Variants in LARGE1 observed in about 807,000 individuals in gnomAD.
LARGE1 encodes the protein xylosyl- and glucuronyltransferase LARGE1.
LARGE1 carries 43 observed loss-of-function variants against 87.6 expected under a neutral mutation model. The observed-to-expected ratio is 0.49, with a 90% confidence interval of 0.38 to 0.63. The LOEUF is 0.63. Ranked by LOEUF, LARGE1 falls within the 30% of genes least tolerant of loss-of-function variation. LARGE1 has a pLI of 0.00. For synonymous variants in LARGE1, 434 were observed against 394.6 expected (o/e 1.10, Z -1.18); for missense variants, 802 against 1,000.2 (o/e 0.80, Z 2.67).
chr22:33,564,909 G>T lies in LARGE1; in HGVS notation c.726C>A (p.Asp242Glu). Residue 242 changes from aspartate (D) to glutamate (E), a missense_variant, in exon 6 of 15, where the codon GAC becomes GAA. This residue lies in a region of LARGE1 where 625 missense variants were observed against 841.9 expected (regional missense o/e 0.74). Transcript: ENST00000397394. ...TGTCAGTGGCAAAGGTGATATCCGTGTCAAGGACGATGACTCTCTCCAGGT... is the reference window on the plus strand; with the variant it reads ...TGTCAGTGGCAAAGGTGATATCCGTTTCAAGGACGATGACTCTCTCCAGGT... ...PANLERVIVL[D>E]TDITFATDIA... 6.2e-7 allele frequency: 1 copy of T among 1,614,194 alleles called. No homozygotes were observed. The highest frequency in any genetic ancestry group is 2.2e-5 in the East Asian group (1 of 44,874).
At chr22:33,087,815 A>T in the LARGE1 span, among the ~76,000 whole-genome samples, 1 of 152,202 alleles carries the variant, frequency 6.6e-6, no homozygotes, top group Non-Finnish European at 1.5e-5. Context: ...CATGCCTGTA[A>T]TCCCAGCTAC....
chr22:33,259,970 T>C (rs1434923766), intron 11 of LARGE1, among the ~76,000 whole-genome samples: 1 of 152,204 alleles, frequency 6.6e-6, no homozygotes, highest in Admixed American at 6.5e-5. Context: ...ACCAAGCCCA[T>C]GCTTATAACC....
intron 11 of LARGE1, among the ~76,000 whole-genome samples, chr22:33,208,127 C>T (rs1924775451): frequency 6.6e-6 from 1 of 152,104 alleles, no homozygotes; most frequent in Non-Finnish European, 1.5e-5. Context: ...CACTAGCTTC[C>T]AGTATCACCA....
At chr22:33,742,956 G>A (rs1330372588) in intron 2 of LARGE1, among the ~76,000 whole-genome samples, 1 of 152,018 alleles carries the variant, frequency 6.6e-6, no homozygotes, top group African/African-American at 2.4e-5. Context: ...CCTGGTGGGA[G>A]GGTCTTGGAT....
chr22:33,660,591 T>C (rs1221622811), intron 2 of LARGE1, among the ~76,000 whole-genome samples: 1 of 152,212 alleles, frequency 6.6e-6, no homozygotes. Context: ...TCTCCAATGG[T>C]TGAGTCTGAG....
chr22:33,469,912 C>T (rs1168255670), intron 6 of LARGE1, among the ~76,000 whole-genome samples: 5 of 131,552 alleles, frequency 3.8e-5, no homozygotes, highest in African/African-American at 8.6e-5. Flanking sequence ...TTTTCTGACA[C>T]GGAGTCTCGC....
chr22:33,678,459 G>A (rs943542420), intron 2 of LARGE1, among the ~76,000 whole-genome samples: 2 of 152,186 alleles, frequency 1.3e-5, no homozygotes, highest in African/African-American at 4.8e-5. Flanking sequence ...TTTGGGGGAG[G>A]AGGGGTGACT....
the LARGE1 span, among the ~76,000 whole-genome samples, chr22:33,111,699 T>G: frequency 6.6e-6 from 1 of 152,240 alleles, no homozygotes; most frequent in African/African-American, 2.4e-5. Flanking sequence ...CACCTCTGCC[T>G]CTTGCTAGAA....
rs146644218 is a variant in LARGE1, at chr22:33,450,712, C to T, written c.788-18447G>A. Among the ~76,000 whole-genome samples the T allele has an allele frequency of 9.6e-3, 1,462 of 152,234 alleles. 20 individuals carry two copies. The highest frequency in any genetic ancestry group is 0.024 in the South Asian group (115 of 4,818). Reference sequence around the variant, plus strand: ...TACTCATTTAGTCCAATCTTTTCATCGTATAACTGATGAAACTGACTTGCT... The same window carrying T: ...TACTCATTTAGTCCAATCTTTTCATTGTATAACTGATGAAACTGACTTGCT... On this transcript the variant is annotated intron_variant, in intron 6 of 14. Coordinates refer to ENST00000397394, the MANE Select transcript of LARGE1 (RefSeq NM_133642.5).
At chr22:33,099,748 G>A in the LARGE1 span, among the ~76,000 whole-genome samples, 1 of 151,164 alleles carries the variant, frequency 6.6e-6, no homozygotes, top group Non-Finnish European at 1.5e-5. Context: ...GTAAGCATAG[G>A]AAAATGCACA....
At chr22:33,597,596 T>C (rs1183932328) in intron 5 of LARGE1, among the ~76,000 whole-genome samples, 2 of 152,172 alleles carry the variant, frequency 1.3e-5, no homozygotes, top group Non-Finnish European at 2.9e-5. Flanking sequence ...ACCATCAATA[T>C]TTTCTGCAGC....
chr22:33,880,595 G>A (rs757091175), intron 1 of LARGE1, among the ~76,000 whole-genome samples: 16 of 152,120 alleles, frequency 1.1e-4, no homozygotes, highest in Non-Finnish European at 1.8e-4. Flanking sequence ...TAACAGCTAC[G>A]TTCTGGTCAT....
intron 6 of LARGE1, among the ~76,000 whole-genome samples, chr22:33,537,851 G>T (rs1477351986): frequency 1.3e-5 from 2 of 152,160 alleles, no homozygotes; most frequent in Non-Finnish European, 2.9e-5. Flanking sequence ...GATTACGGGC[G>T]TGAGCCACCA....
At chr22:33,316,332 CCT>C (rs1206585113) in intron 10 of LARGE1, 84 bp from the exon 11 acceptor site, 7 of 1,392,412 alleles carry the variant, frequency 5.0e-6, no homozygotes, top group Middle Eastern at 2.4e-4. Flanking sequence ...CCTGCCCTCC[CCT>C]GAGTTTATTA....
At chr22:33,402,302 A>G (rs1206962684) in intron 7 of LARGE1, among the ~76,000 whole-genome samples, 1 of 152,222 alleles carries the variant, frequency 6.6e-6, no homozygotes, top group African/African-American at 2.4e-5. Flanking sequence ...TTCATTTTAT[A>G]GATGAGGAAA....
intron 1 of LARGE1, among the ~76,000 whole-genome samples, chr22:33,892,038 G>A (rs966378570): frequency 2.6e-5 from 4 of 152,092 alleles, no homozygotes; most frequent in Middle Eastern, 3.2e-3. Context: ...TACCACGTAC[G>A]AGAGTTCACA....
chr22:33,428,926 T>C (rs1341963704), intron 7 of LARGE1, among the ~76,000 whole-genome samples: 1 of 85,992 alleles, frequency 1.2e-5, no homozygotes, highest in African/African-American at 5.0e-5. Flanking sequence ...CGAGACTCTG[T>C]CTCAAAAAAA....
chr22:33,611,102 G>A (rs181344456), intron 4 of LARGE1, among the ~76,000 whole-genome samples: 46 of 152,366 alleles, frequency 3.0e-4, no homozygotes, highest in African/African-American at 1.1e-3. Flanking sequence ...GCCCACCAGA[G>A]ATGTTCTATT....
intron 11 of LARGE1, among the ~76,000 whole-genome samples, chr22:33,240,087 A>G (rs1279062681): frequency 6.6e-6 from 1 of 152,178 alleles, no homozygotes; most frequent in Non-Finnish European, 1.5e-5. Flanking sequence ...TTTATTCATA[A>G]TGGTTGTATA....
Sources: allele counts gnomAD v4.1 joint callset (sites outside exome capture counted in the v4.1 genomes callset), GRCh38; gene constraint gnomAD v4.1.1; regional missense constraint gnomAD v4.1.1; transcripts MANE v1.5; gene names NCBI Gene and HGNC (gene_info 2026-07-23, HGNC 2026-07-21).